SMG7: variants seen among roughly 807,000 people sequenced by gnomAD.
SMG7 encodes the protein nonsense-mediated mRNA decay factor SMG7.
SMG7 carries 34 observed loss-of-function variants against 148.2 expected under a neutral mutation model. The observed-to-expected ratio is 0.23, with a 90% confidence interval of 0.17 to 0.31. The LOEUF is 0.31. Among genes scored for constraint, SMG7 ranks in the 10% least tolerant of loss-of-function variants. The probability of loss-of-function intolerance (pLI) is 1.00; values close to 1 mark genes in which losing one functional copy is unlikely to be tolerated. For synonymous variants in SMG7, 492 were observed against 515.1 expected, an observed-to-expected ratio of 0.96 and a Z score of 0.61; for missense variants, 1,114 against 1,408.4, an observed-to-expected ratio of 0.79 and a Z score of 3.35.
intron 4 of SMG7, among the ~76,000 whole-genome samples, chr1:183,523,068 A>T (rs916238264): frequency 5.9e-5 from 9 of 152,250 alleles, no homozygotes; most frequent in Admixed American, 3.3e-4. Context: ...GTCAAAGTAA[A>T]GACATACCAT....
chr1:183,508,834 A>C (rs1661541582), intron 1 of SMG7, among the ~76,000 whole-genome samples: 1 of 152,244 alleles, frequency 6.6e-6, no homozygotes, highest in African/African-American at 2.4e-5. Context: ...GTTTCTAATT[A>C]TATGAGACTG....
In SMG7 at chr1:183,546,107, C is replaced by G; in HGVS notation, c.2512C>G (p.Pro838Ala). ...ACTGTTTGAGCCGTCATTGCAACCT[C>G]CTGTAATGCAGCAGCAGCCTCTAGA... Reference protein sequence around the residue: ...IKLFEPSLQPPVMQQQPLEKK... With the variant: ...IKLFEPSLQPAVMQQQPLEKK... The change falls in exon 17 of 23, where the codon CCT becomes GCT. Residue 838 changes from proline (P) to alanine (A), a missense_variant. By Grantham distance (27) the Pro-to-Ala change is conservative. Around this residue, in one of 4 missense-constraint regions of SMG7, gnomAD observed 788 missense variants for 894.5 expected, o/e 0.88. Transcript: ENST00000688051. 1 of 1,614,060 alleles carries G rather than the reference C, an allele frequency of 6.2e-7. No individual in the cohort carries two copies. The highest frequency in any genetic ancestry group is 8.5e-7 in the Non-Finnish European group (1 of 1,179,988).
intron 1 of SMG7, among the ~76,000 whole-genome samples, chr1:183,486,014 T>C (rs905316687): frequency 3.9e-5 from 6 of 152,246 alleles, no homozygotes; most frequent in South Asian, 4.1e-4. Context: ...AATTTCTTTC[T>C]TTCATATGAC....
At chr1:183,540,028 T>C (rs888891646) in intron 12 of SMG7, among the ~76,000 whole-genome samples, 41 of 152,204 alleles carry the variant, frequency 2.7e-4, no homozygotes, top group Non-Finnish European at 4.3e-4. Flanking sequence ...AGCTCCTAGT[T>C]GTTCAGCCTT....
At chr1:183,531,071 A>G (rs1422181476) in intron 8 of SMG7, among the ~76,000 whole-genome samples, 1 of 152,160 alleles carries the variant, frequency 6.6e-6, no homozygotes, top group African/African-American at 2.4e-5. Flanking sequence ...AACATAAAAC[A>G]TAGTATGAGG....
chr1:183,519,495 A>T (rs938385858), intron 4 of SMG7, among the ~76,000 whole-genome samples: 7 of 151,652 alleles, frequency 4.6e-5, no homozygotes, highest in African/African-American at 1.7e-4. Flanking sequence ...GATGCTGAGG[A>T]TATGGAGGTA....
intron 8 of SMG7, among the ~76,000 whole-genome samples, chr1:183,530,892 CACTA>C (rs1346697895): frequency 6.6e-6 from 1 of 152,050 alleles, no homozygotes; most frequent in Non-Finnish European, 1.5e-5. Flanking sequence ...ATGAGATCTT[CACTA>C]ACTAAGTTAT....
At chr1:183,491,559 A>G (rs148708165) in intron 1 of SMG7, among the ~76,000 whole-genome samples, 1 of 151,734 alleles carries the variant, frequency 6.6e-6, no homozygotes, top group Non-Finnish European at 1.5e-5. Flanking sequence ...GGCTATATAC[A>G]TATATATATA....
chr1:183,545,170 C>A lies in SMG7; in HGVS notation c.2228C>A (p.Pro743His). 6 of 1,614,126 alleles carry A rather than the reference C, an allele frequency of 3.7e-6. No individual in the cohort carries two copies. Among genetic ancestry groups the A allele is most frequent in the Non-Finnish European group, 5.1e-6 (6 of 1,180,020 alleles). ...CAATCACAGCCACCTTCCCAGCAACCCCTTACATCTTTACCAGCTCAGCCA... is the reference window on the plus strand; with the variant it reads ...CAATCACAGCCACCTTCCCAGCAACACCTTACATCTTTACCAGCTCAGCCA... ...PQQSQPPSQQ[P>H]LTSLPAQPTA... The change falls in exon 16 of 23, where the codon CCC (proline) becomes CAC (histidine). Residue 743 changes from proline (P) to histidine (H), a missense_variant. Physicochemically the swap from Pro to His is moderately conservative, Grantham distance 77. This residue lies in a region of SMG7 where 788 missense variants were observed against 894.5 expected (regional missense o/e 0.88). Coordinates refer to ENST00000688051, the MANE Select transcript of SMG7 (RefSeq NM_001375584.1).
In SMG7 at chr1:183,547,150, G is replaced by A. The variant is rs953363158; in HGVS notation, c.2790G>A (p.Leu930=). 1 of 1,550,476 alleles carries A rather than the reference G, an allele frequency of 6.4e-7. No individual in the cohort carries two copies. The highest frequency in any genetic ancestry group is 8.7e-7 in the Non-Finnish European group (1 of 1,146,912). ...PLLPPDLLKS[L]AALEEEEELI... ...TTCCTCCGGACCTGTTAAAGAGTCT[G>A]GCTGCCTTGGAGGAAGAGGAAGAGC... Residue 930 remains leucine, a synonymous_variant, in exon 18 of 23, where the codon CTG becomes CTA. Coordinates refer to ENST00000688051, the MANE Select transcript of SMG7 (RefSeq NM_001375584.1).
chr1:183,495,642 G>A (rs557118973), intron 1 of SMG7, among the ~76,000 whole-genome samples: 5 of 152,184 alleles, frequency 3.3e-5, no homozygotes, highest in African/African-American at 9.6e-5. Context: ...AGGCCGAGTC[G>A]GGCGGATCAT....
chr1:183,493,489 G>T lies in SMG7; in HGVS notation c.30-19348G>T, dbSNP rs946434242. Among the ~76,000 whole-genome samples the T allele has an allele frequency of 2.6e-4, 39 of 152,142 alleles. 1 individual carries two copies. ...ATGTGCCATGTGCACTTACAAAGAA[G>T]GTGTATTCTTTTGTTGGGTAAAATG... On this transcript the variant is annotated intron_variant, in intron 1 of 22. Transcript: ENST00000688051.
At chr1:183,492,956 A>G (rs1028184009) in intron 1 of SMG7, among the ~76,000 whole-genome samples, 1 of 151,944 alleles carries the variant, frequency 6.6e-6, no homozygotes, top group Non-Finnish European at 1.5e-5. Flanking sequence ...ACCTGTGATT[A>G]TTTATTATTT....
Position 183,552,118 on chromosome 1 carries a change from C to T in SMG7, c.*187C>T, listed in dbSNP as rs1391776013. On this transcript the variant is annotated 3_prime_UTR_variant, in exon 23 of 23. Coordinates refer to ENST00000688051, the MANE Select transcript of SMG7 (RefSeq NM_001375584.1). ...TTCGCAGTGCAACAAAAAGAAAAAT[C>T]CATCAGGAACTCTCCGTCCCCCCGG... The T allele has an allele frequency of 1.6e-5, 21 of 1,290,016 alleles. No individual in the cohort carries two copies. In the East Asian group the frequency reaches 3.0e-4, roughly 18 times the overall value. 79.9% of individuals were successfully genotyped at this position (1,290,016 alleles called of 1,614,324 possible). A position where few individuals can be genotyped will look rare whatever the true frequency, so the allele number is the denominator to read the frequency against.
At chr1:183,546,447 T>TAACGA in intron 17 of SMG7, 110 bp downstream of exon 17, 1 of 1,149,464 alleles carries the variant, frequency 8.7e-7, no homozygotes, top group Non-Finnish European at 1.2e-6. Context: ...TCGTTAGTAC[T>TAACGA]ATAGAATGCC....
At chr1:183,550,549 C>T (rs1450966841) in intron 20 of SMG7, among the ~76,000 whole-genome samples, 1 of 152,040 alleles carries the variant, frequency 6.6e-6, no homozygotes, top group Non-Finnish European at 1.5e-5. Context: ...TTTTTTAAGG[C>T]GAAGAATATG....
Position 183,545,120 on chromosome 1 carries a change from A to G in SMG7, c.2178A>G (p.Pro726=). 2 of 1,614,136 alleles carry G rather than the reference A, an allele frequency of 1.2e-6. No homozygotes were observed. The highest frequency in any genetic ancestry group is 1.1e-5 in the South Asian group (1 of 91,084). The stretch of plus-strand genomic sequence containing the variant: ...ACAGCCAGCAACGGCCCTCTGGACC[A>G]GGGCCAATGAACCAGGGACCTCAAC... The part of the protein sequence containing the change: ...IPYSQQRPSG[P]GPMNQGPQQS... Residue 726 remains proline, a synonymous_variant, in exon 16 of 23, where the codon CCA becomes CCG. Transcript: ENST00000688051.
intron 3 of SMG7, among the ~76,000 whole-genome samples, chr1:183,516,477 T>C (rs1663570628): frequency 1.3e-5 from 2 of 152,164 alleles, no homozygotes; most frequent in African/African-American, 4.8e-5. Context: ...CCCAATAAAA[T>C]GAAAAATTTT....
chr1:183,487,720 C>T (rs909374180), intron 1 of SMG7, among the ~76,000 whole-genome samples: 1 of 152,222 alleles, frequency 6.6e-6, no homozygotes, highest in Non-Finnish European at 1.5e-5. Context: ...CACTTTCTCT[C>T]ATTAGTTCAC....
Sources: allele counts gnomAD v4.1 joint callset (sites outside exome capture counted in the v4.1 genomes callset), GRCh38; gene constraint gnomAD v4.1.1; regional missense constraint gnomAD v4.1.1; transcripts MANE v1.5; gene names NCBI Gene and HGNC (gene_info 2026-07-23, HGNC 2026-07-21).